Variants in LRP1B observed in about 807,000 individuals in gnomAD.
LRP1B encodes low-density lipoprotein receptor-related protein 1B.
LRP1B carries 217 observed loss-of-function variants against 556.6 expected under a neutral mutation model. That is an observed-to-expected ratio of 0.39 (90% CI 0.35 to 0.44). LRP1B has a LOEUF of 0.44. Among genes scored for constraint, LRP1B ranks in the 20% least tolerant of loss-of-function variants. The pLI, the probability that LRP1B is intolerant of heterozygous loss-of-function variation, is 1.00. For synonymous variants in LRP1B, 2,047 were observed against 1,865.8 expected (o/e 1.10, Z -2.50); for missense variants, 5,053 against 5,620.8 (o/e 0.90, Z 3.23).
chr2:140,397,557 C>A (rs1240456345), intron 66 of LRP1B, among the ~76,000 whole-genome samples: 1 of 152,094 alleles, frequency 6.6e-6, no homozygotes, highest in Non-Finnish European at 1.5e-5. Context: ...GGGGCAAGCT[C>A]CATGGCGTGT....
intron 1 of LRP1B, among the ~76,000 whole-genome samples, chr2:142,115,855 C>G (rs7558480): frequency 5.7e-4 from 2 of 3,502 alleles, no homozygotes; most frequent in South Asian, 0.019. Context: ...TATATATATA[C>G]ATATATATAT....
chr2:140,522,430 T>G (rs1391100227), intron 49 of LRP1B, among the ~76,000 whole-genome samples: 1 of 151,578 alleles, frequency 6.6e-6, no homozygotes, highest in Non-Finnish European at 1.5e-5. Context: ...AAAAACAGTA[T>G]TAAAAGGAAG....
chr2:140,386,300 A>T (rs1683759083), intron 66 of LRP1B, among the ~76,000 whole-genome samples: 1 of 152,194 alleles, frequency 6.6e-6, no homozygotes, highest in Non-Finnish European at 1.5e-5. Context: ...TTGGCCAGGC[A>T]TGGTGGCTCA....
At chr2:140,623,274 T>C (rs1381868270) in intron 41 of LRP1B, among the ~76,000 whole-genome samples, 1 of 152,232 alleles carries the variant, frequency 6.6e-6, no homozygotes, top group Admixed American at 6.5e-5. Flanking sequence ...TTATTTATAA[T>C]ATCTACAGTT....
chr2:141,015,732 A>G lies in LRP1B; in HGVS notation c.2154T>C (p.His718=), dbSNP rs1697881833. ...TLYWCDAYYD[H]IEKVFLNGTH... is the part of the protein sequence containing the mutation. ...TCCCATTCAAAAATACTTTTTCAAT[A>G]TGATCGTAATAGGCATCACACCAGT... The change falls in exon 13 of 91, where the codon CAT becomes CAC. Residue 718 remains histidine (H), a synonymous_variant. Transcript: ENST00000389484. 4 of 1,613,200 alleles carry G rather than the reference A, an allele frequency of 2.5e-6. No homozygotes were observed. Among genetic ancestry groups the G allele is most frequent in the Admixed American group, 1.7e-5 (1 of 59,926 alleles).
At chr2:141,927,903 C>CAAAAAAAA (rs5834879) in intron 1 of LRP1B, among the ~76,000 whole-genome samples, 7 of 110,988 alleles carry the variant, frequency 6.3e-5, no homozygotes, top group African/African-American at 1.7e-4. Flanking sequence ...CTTGGCTTTA[C>CAAAAAAAA]AAAAAAAAAA....
chr2:141,263,058 T>A (rs1684758236), intron 3 of LRP1B, among the ~76,000 whole-genome samples: 5 of 152,044 alleles, frequency 3.3e-5, no homozygotes, highest in Admixed American at 2.0e-4. Flanking sequence ...TTTAATTTTT[T>A]AAATTTTTCA....
rs923559155 is a variant in LRP1B at position 140,770,778 on chromosome 2, T to C, written c.5626+103A>G. 9 of 919,856 alleles carry C rather than the reference T, an allele frequency of 9.8e-6. 1 individual carries two copies. The Admixed American group carries it at 1.5e-4, about 16-fold the overall frequency. The allele number at this position is 919,856 out of a possible 1,614,324, so 57.0% of individuals were successfully genotyped here. On this transcript the variant is annotated intron_variant, in intron 34 of 90. Transcript: ENST00000389484. ...TACCATTTCCTAATAACTAGTTAATTTTTTTCTAATGTTTAACTGACTTTG... is the reference window on the plus strand; with the variant it reads ...TACCATTTCCTAATAACTAGTTAATCTTTTTCTAATGTTTAACTGACTTTG...
At chr2:140,345,859 CACATAT>C (rs1264578877) in intron 77 of LRP1B, among the ~76,000 whole-genome samples, 2 of 132,058 alleles carry the variant, frequency 1.5e-5, no homozygotes, top group African/African-American at 5.8e-5. Flanking sequence ...CACACACACA[CACATAT>C]ATATATATAT....
intron 14 of LRP1B, among the ~76,000 whole-genome samples, chr2:141,012,945 C>T (rs929349650): frequency 6.6e-6 from 1 of 151,718 alleles, no homozygotes; most frequent in Non-Finnish European, 1.5e-5. Context: ...TCATTCAATA[C>T]CTAAATTCTG....
intron 3 of LRP1B, among the ~76,000 whole-genome samples, chr2:141,329,784 A>G (rs934204354): frequency 1.3e-5 from 2 of 152,206 alleles, no homozygotes; most frequent in African/African-American, 4.8e-5. Context: ...ATCTGGATAT[A>G]TGGTTATTCT....
At position 140,361,217 on chromosome 2, in the gene LRP1B, G is replaced by A. The variant is rs970150629; in HGVS notation, c.11132-2271C>T. Among the ~76,000 whole-genome samples the A allele has an allele frequency of 2.0e-5, 3 of 149,014 alleles. No homozygotes were observed. The Admixed American group carries it at 2.0e-4, about 10-fold the overall frequency. On this transcript the variant is annotated intron_variant, in intron 72 of 90. Coordinates refer to ENST00000389484, the MANE Select transcript of LRP1B (RefSeq NM_018557.3). ...GTTATCCAAAATAACCCTAAATTTAGGTGAGCGAAACCACCTGCTCTCCCA... is the reference window on the plus strand; with the variant it reads ...GTTATCCAAAATAACCCTAAATTTAAGTGAGCGAAACCACCTGCTCTCCCA...
intron 81 of LRP1B, 75 bp downstream of exon 81, chr2:140,323,818 T>G: frequency 2.6e-6 from 2 of 764,488 alleles, no homozygotes; most frequent in Non-Finnish European, 4.0e-6. Flanking sequence ...TTAAGATATT[T>G]AAAAATATAT....
At chr2:141,664,849 A>C (rs887638174) in intron 2 of LRP1B, among the ~76,000 whole-genome samples, 1 of 152,162 alleles carries the variant, frequency 6.6e-6, no homozygotes, top group Non-Finnish European at 1.5e-5. Context: ...ATTGGACAAA[A>C]AAAGTACTTT....
At chr2:141,835,260 G>A (rs948557480) in intron 1 of LRP1B, among the ~76,000 whole-genome samples, 3 of 151,900 alleles carry the variant, frequency 2.0e-5, no homozygotes, top group African/African-American at 7.3e-5. Context: ...ATCTTTTATA[G>A]GTCCAGGATG....
chr2:140,407,123 A>G (rs148268811), intron 66 of LRP1B, among the ~76,000 whole-genome samples: 1 of 152,276 alleles, frequency 6.6e-6, no homozygotes, highest in East Asian at 1.9e-4. Flanking sequence ...TGGTGCTGGG[A>G]AAACTGGCAA....
At chr2:141,174,714 G>C (rs1370203027) in intron 7 of LRP1B, among the ~76,000 whole-genome samples, 1 of 152,006 alleles carries the variant, frequency 6.6e-6, no homozygotes, top group Non-Finnish European at 1.5e-5. Flanking sequence ...TTAGGATATT[G>C]GTACAGGGGC....
intron 3 of LRP1B, among the ~76,000 whole-genome samples, chr2:141,374,874 TA>T (rs1236645218): frequency 1.3e-5 from 2 of 152,220 alleles, no homozygotes; most frequent in Admixed American, 1.3e-4. Flanking sequence ...TTCAATAAAT[TA>T]TTTTTTATTA....
chr2:141,008,199 A>T (rs1041067856), intron 14 of LRP1B, among the ~76,000 whole-genome samples: 12 of 151,528 alleles, frequency 7.9e-5, no homozygotes, highest in African/African-American at 2.6e-4. Context: ...GGTCATTAAC[A>T]TATTAATAGC....
Sources: gnomAD v4.1 joint callset for allele counts (sites outside exome capture counted in the v4.1 genomes callset) on GRCh38, gnomAD v4.1.1 for gene constraint, MANE v1.5 for transcripts, NCBI Gene and HGNC (gene_info 2026-07-23, HGNC 2026-07-21) for gene names.